Variants in UBR3 observed in about 807,000 individuals in gnomAD.
UBR3 encodes ubiquitin protein ligase E3 component n-recognin 3.
Under a neutral mutation model 243.2 loss-of-function variants are expected in UBR3, and 85 were observed. The ratio of observed to expected loss-of-function variants is 0.35; its 90% CI spans 0.29 to 0.42. The LOEUF (loss-of-function observed/expected upper bound fraction) is 0.42. UBR3 is among the 10% of genes least tolerant of loss of function. UBR3 has a pLI of 1.00. For synonymous variants in UBR3, 748 were observed against 799.8 expected (o/e 0.94, Z 1.09); for missense variants, 1,686 against 2,300.8 (o/e 0.73, Z 5.47).
At position 170,055,444 on chromosome 2, in the gene UBR3, T is replaced by G. The variant is rs1466106759; in HGVS notation, c.4661-16T>G. ...ATCTAGATTCCAAAGAAATAATGAT[T>G]TTTTTTCTCTTGCAGACCACTTTAC... is the stretch of plus-strand genomic sequence containing the variant. On this transcript the variant is annotated splice_polypyrimidine_tract_variant and intron_variant, in intron 32 of 38. Coordinates refer to ENST00000272793, the MANE Select transcript of UBR3 (RefSeq NM_172070.4). The G allele has an allele frequency of 2.5e-6, 4 of 1,606,578 alleles. No homozygotes were observed. The highest frequency in any genetic ancestry group is 3.4e-6 in the Non-Finnish European group (4 of 1,177,454).
chr2:170,036,513 C>T (rs1430408146), intron 31 of UBR3, among the ~76,000 whole-genome samples: 1 of 151,386 alleles, frequency 6.6e-6, no homozygotes, highest in African/African-American at 2.4e-5. Context: ...AAAAAACTTA[C>T]CAAAAAAAGT....
At chr2:169,890,730 A>T (rs2084345674) in intron 5 of UBR3, among the ~76,000 whole-genome samples, 1 of 148,516 alleles carries the variant, frequency 6.7e-6, no homozygotes, top group African/African-American at 2.5e-5. Context: ...ATTTTTCAAA[A>T]TTTGATTTGT....
intron 31 of UBR3, 123 bp from the exon 32 acceptor site, chr2:170,040,759 T>C (rs567603818): frequency 1.2e-6 from 1 of 818,582 alleles, no homozygotes; most frequent in South Asian, 2.5e-5. Flanking sequence ...GGTTTTTTTT[T>C]ACATTTCTTC....
chr2:170,053,532 A>C (rs1209023657), intron 32 of UBR3, among the ~76,000 whole-genome samples: 1 of 152,180 alleles, frequency 6.6e-6, no homozygotes, highest in African/African-American at 2.4e-5. Flanking sequence ...TGCAGTCATA[A>C]GTCATAACAG....
At chr2:169,847,675 A>G (rs2082528265) in intron 1 of UBR3, among the ~76,000 whole-genome samples, 1 of 152,082 alleles carries the variant, frequency 6.6e-6, no homozygotes, top group Non-Finnish European at 1.5e-5. Context: ...TTTTTCTAGT[A>G]TTTCTTTCTA....
At chr2:169,941,596 T>G (rs1261660473) in intron 19 of UBR3, among the ~76,000 whole-genome samples, 2 of 152,236 alleles carry the variant, frequency 1.3e-5, no homozygotes, top group Non-Finnish European at 2.9e-5. Flanking sequence ...CACCTAACTT[T>G]TATTACAGTA....
At chr2:169,938,080 G>A (rs1476226186) in intron 19 of UBR3, among the ~76,000 whole-genome samples, 1 of 152,056 alleles carries the variant, frequency 6.6e-6, no homozygotes, top group African/African-American at 2.4e-5. Flanking sequence ...TTTCAGTGGT[G>A]GAAAGGCAGT....
intron 35 of UBR3, among the ~76,000 whole-genome samples, chr2:170,070,922 T>C (rs1168137262): frequency 6.6e-6 from 1 of 152,110 alleles, no homozygotes; most frequent in Non-Finnish European, 1.5e-5. Context: ...TTAACTCAAG[T>C]GTAAGAAAAC....
intron 30 of UBR3, among the ~76,000 whole-genome samples, chr2:170,023,534 A>C (rs1156517213): frequency 4.5e-4 from 64 of 143,226 alleles, no homozygotes; most frequent in Admixed American, 3.1e-3. Flanking sequence ...CTCAGCCTCC[A>C]AAGTAGCTGG....
In UBR3 at chr2:170,002,940, C is replaced by T. The variant is rs1429772672; in HGVS notation, c.4029+1526C>T. Among the ~76,000 whole-genome samples the T allele has an allele frequency of 5.3e-5, 8 of 152,072 alleles. No homozygotes were observed. The East Asian group carries it at 5.8e-4, about 11-fold the overall frequency. ...TCGATCATAGCTCACTGAAGCCTTA[C>T]GCTCCTGAGTTCAAGCAGCACAACT... On this transcript the variant is annotated intron_variant, in intron 27 of 38. Transcript: ENST00000272793.
chr2:170,080,316 C>T, intron 37 of UBR3: 1 of 582,216 alleles, frequency 1.7e-6, no homozygotes, highest in Non-Finnish European at 2.9e-6. Flanking sequence ...GTTGAAGATA[C>T]TAGACTCTGA....
chr2:169,852,145 C>T (rs1419025303), intron 1 of UBR3, among the ~76,000 whole-genome samples: 2 of 152,120 alleles, frequency 1.3e-5, no homozygotes. Flanking sequence ...ATTTGGAGGT[C>T]ATTTACTACC....
intron 1 of UBR3, among the ~76,000 whole-genome samples, chr2:169,857,062 A>ATTTTTTTTT (rs1553494582): frequency 1.4e-4 from 4 of 28,462 alleles, no homozygotes; most frequent in East Asian, 1.1e-3. Flanking sequence ...TAATTTTATT[A>ATTTTTTTTT]TGTTTTTTTT....
intron 24 of UBR3, among the ~76,000 whole-genome samples, chr2:169,962,290 T>C (rs1393067881): frequency 1.3e-5 from 2 of 152,106 alleles, no homozygotes; most frequent in Non-Finnish European, 2.9e-5. Context: ...TCTGTATTGC[T>C]CAGGTTGGTC....
chr2:170,073,386 TTGA>T, intron 35 of UBR3, 39 bp from the exon 36 acceptor site: 1 of 1,605,940 alleles, frequency 6.2e-7, no homozygotes, highest in Non-Finnish European at 8.5e-7. Context: ...GGAAATGTTC[TTGA>T]TGAAATATTT....
chr2:169,959,917 G>T (rs552327753), intron 24 of UBR3, among the ~76,000 whole-genome samples: 3 of 152,232 alleles, frequency 2.0e-5, no homozygotes, highest in South Asian at 2.1e-4. Flanking sequence ...CTTGTGATGG[G>T]TTGCAGTCAA....
At chr2:170,021,587 A>C (rs2090394040) in intron 30 of UBR3, among the ~76,000 whole-genome samples, 3 of 152,170 alleles carry the variant, frequency 2.0e-5, no homozygotes, top group Admixed American at 1.3e-4. Context: ...TAGGACTTCA[A>C]CATATGAATT....
intron 1 of UBR3, among the ~76,000 whole-genome samples, chr2:169,833,570 GATT>G (rs1306387886): frequency 6.6e-6 from 1 of 152,122 alleles, no homozygotes; most frequent in African/African-American, 2.4e-5. Flanking sequence ...AGGTGGCATT[GATT>G]ATTAAATCCA....
intron 1 of UBR3, among the ~76,000 whole-genome samples, chr2:169,829,305 G>T (rs2081849370): frequency 2.0e-5 from 3 of 152,006 alleles, no homozygotes; most frequent in African/African-American, 7.3e-5. Flanking sequence ...ACAATAACTT[G>T]GTAGCTAGAG....
Sources: allele counts gnomAD v4.1 joint callset (sites outside exome capture counted in the v4.1 genomes callset), GRCh38; gene constraint gnomAD v4.1.1; transcripts MANE v1.5; gene names NCBI Gene and HGNC (gene_info 2026-07-23, HGNC 2026-07-21).